The following DCHS2 variants were observed in gnomAD, a reference collection of about 807,000 sequenced individuals.
DCHS2 encodes dachsous cadherin-related 2.
In DCHS2, 142 loss-of-function variants were observed where a neutral mutation model predicts 182.4. The observed-to-expected ratio is 0.78, with a 90% CI of 0.68 to 0.89. The LOEUF is 0.89. Ranked by LOEUF, DCHS2 falls within the 40% of genes least tolerant of loss-of-function variation. DCHS2 has a pLI of 0.00. For missense variants in DCHS2, 4,319 were observed against 4,198.6 expected (o/e 1.03, Z -0.79); for synonymous variants, 1,740 against 1,663.3 (o/e 1.05, Z -1.12).
intron 1 of DCHS2, among the ~76,000 whole-genome samples, chr4:154,446,378 G>A (rs1331090159): frequency 6.6e-6 from 1 of 152,172 alleles, no homozygotes; most frequent in East Asian, 1.9e-4. Context: ...AGAAAGTCTT[G>A]CTTTACATAG....
At chr4:154,329,479 T>C (rs756926973) in intron 6 of DCHS2, 44 bp downstream of exon 6, 3 of 1,563,770 alleles carry the variant, frequency 1.9e-6, no homozygotes. Flanking sequence ...TCAAAACAAA[T>C]GACTTAAGAT....
intron 1 of DCHS2, among the ~76,000 whole-genome samples, chr4:154,464,267 A>T (rs1735145897): frequency 6.6e-6 from 1 of 152,132 alleles, no homozygotes; most frequent in African/African-American, 2.4e-5. Context: ...CAGGAAAAAA[A>T]CTTTTCCCTC....
intron 2 of DCHS2, among the ~76,000 whole-genome samples, chr4:154,376,070 G>A (rs1044547941): frequency 6.6e-6 from 1 of 152,058 alleles, no homozygotes; most frequent in African/African-American, 2.4e-5. Context: ...AAAAAGGCAG[G>A]GATGGGGGCA....
At chr4:154,407,161 G>C (rs1732433138) in intron 1 of DCHS2, among the ~76,000 whole-genome samples, 1 of 152,258 alleles carries the variant, frequency 6.6e-6, no homozygotes, top group African/African-American at 2.4e-5. Context: ...CAAATTCTGG[G>C]ACTCAGGCAT....
At chr4:154,403,168 T>C (rs559149495) in intron 1 of DCHS2, among the ~76,000 whole-genome samples, 4 of 152,282 alleles carry the variant, frequency 2.6e-5, no homozygotes, top group Admixed American at 6.5e-5. Flanking sequence ...TTCCTTGCCT[T>C]ACTATTCTGA....
At chr4:154,360,741 G>A (rs1340664327) in intron 3 of DCHS2, among the ~76,000 whole-genome samples, 1 of 152,146 alleles carries the variant, frequency 6.6e-6, no homozygotes, top group Non-Finnish European at 1.5e-5. Flanking sequence ...TACAGTCTAT[G>A]TTAAAATCAC....
At chr4:154,246,571 T>TA (rs34410544) in intron 16 of DCHS2, among the ~76,000 whole-genome samples, 5 of 147,660 alleles carry the variant, frequency 3.4e-5, no homozygotes, top group South Asian at 2.1e-4. Context: ...TATAGACAAA[T>TA]AAAAAAAAGG....
chr4:154,262,514 T>C (rs1315480330), intron 14 of DCHS2, among the ~76,000 whole-genome samples: 1 of 152,216 alleles, frequency 6.6e-6, no homozygotes, highest in South Asian at 2.1e-4. Flanking sequence ...CTTGCTTATA[T>C]GTTAATGTGC....
intron 1 of DCHS2, among the ~76,000 whole-genome samples, chr4:154,386,792 C>A (rs1172793902): frequency 6.6e-6 from 1 of 152,170 alleles, no homozygotes; most frequent in East Asian, 1.9e-4. Context: ...TGACTATTCT[C>A]TCTATTTGCC....
chr4:154,304,398 G>A (rs572761438), intron 12 of DCHS2, among the ~76,000 whole-genome samples: 2 of 152,260 alleles, frequency 1.3e-5, no homozygotes, highest in Non-Finnish European at 2.9e-5. Flanking sequence ...GCACCAGTCA[G>A]TTCTGACTGG....
rs1401909585 is a variant in DCHS2, at chr4:154,489,734, T to C, written c.1622A>G (p.Gln541Arg). 1 of 1,551,518 alleles carries C rather than the reference T, an allele frequency of 6.4e-7. No individual in the cohort carries two copies. The highest frequency in any genetic ancestry group is 1.4e-5 in the African/African-American group (1 of 73,046). Residue 541 changes from glutamine to arginine, a missense_variant, in exon 1 of 20, where the codon CAA becomes CGA. Coordinates refer to ENST00000357232, the MANE Select transcript of DCHS2 (RefSeq NM_001358235.2). ...DLNDQPPLFSQQHYKASVSEA... is the reference protein window; with the variant it reads ...DLNDQPPLFSRQHYKASVSEA... ...GGACACTGAGGCCTTGTAATGCTGT[T>C]GGCTGAAGAGAGGTGGTTGGTCATT...
intron 16 of DCHS2, among the ~76,000 whole-genome samples, chr4:154,253,192 A>G (rs200390546): frequency 2.8e-5 from 4 of 142,542 alleles, no homozygotes; most frequent in Non-Finnish European, 4.6e-5. Flanking sequence ...AGAGAGAGAG[A>G]GTGTGTGTGT....
chr4:154,314,281 C>T (rs1372194273), intron 10 of DCHS2, among the ~76,000 whole-genome samples: 3 of 152,134 alleles, frequency 2.0e-5, no homozygotes, highest in Non-Finnish European at 4.4e-5. Context: ...ACAGAGAACA[C>T]TCTAAGAGAA....
intron 1 of DCHS2, among the ~76,000 whole-genome samples, chr4:154,440,448 T>C (rs1733958283): frequency 7.0e-6 from 1 of 142,410 alleles, no homozygotes; most frequent in Non-Finnish European, 1.6e-5. Context: ...TTTGAAATTA[T>C]TGTCCCTCAA....
rs754195365 is a variant in DCHS2, at chr4:154,320,749, A to C, written c.4650T>G (p.Ile1550Met). The C allele has an allele frequency of 1.2e-6, 2 of 1,614,092 alleles. No homozygotes were observed. Among genetic ancestry groups the C allele is most frequent in the East Asian group, 4.5e-5 (2 of 44,872 alleles). The change falls in exon 9 of 20, where the codon ATT (isoleucine) becomes ATG (methionine). Residue 1550 changes from isoleucine to methionine, a missense_variant. By Grantham distance (10) the Ile-to-Met change is conservative. Transcript: ENST00000357232. ...SFLNSRIQYY[I>M]ESHNPGTNPF... ...GATTCGTGCCAGGGTTGTGGGATTC[A>C]ATGTAGTATTGTATTCTACTGTTCA...
At chr4:154,389,759 AAC>A (rs943200691) in intron 1 of DCHS2, among the ~76,000 whole-genome samples, 4 of 151,640 alleles carry the variant, frequency 2.6e-5, no homozygotes, top group Admixed American at 2.0e-4. Context: ...CTCCTCGAAA[AAC>A]ACACACACAA....
intron 9 of DCHS2, among the ~76,000 whole-genome samples, chr4:154,317,156 A>G (rs139328213): frequency 4.8e-4 from 73 of 152,368 alleles, no homozygotes; most frequent in South Asian, 4.1e-3. Context: ...ATATGAATGC[A>G]TTTGGCAATT....
chr4:154,467,486 C>T (rs1735285547), intron 1 of DCHS2, among the ~76,000 whole-genome samples: 1 of 152,018 alleles, frequency 6.6e-6, no homozygotes, highest in South Asian at 2.1e-4. Flanking sequence ...AACATGGAAG[C>T]CTATCAATTA....
intron 13 of DCHS2, among the ~76,000 whole-genome samples, chr4:154,280,095 A>G (rs1014732308): frequency 6.6e-6 from 1 of 152,098 alleles, no homozygotes; most frequent in African/African-American, 2.4e-5. Context: ...ACTAATTTGA[A>G]CAATTATACA....
Sources: allele counts gnomAD v4.1 joint callset (sites outside exome capture counted in the v4.1 genomes callset), GRCh38; gene constraint gnomAD v4.1.1; transcripts MANE v1.5; gene names NCBI Gene and HGNC (gene_info 2026-07-23, HGNC 2026-07-21).